Variants in UGT3A1 observed in about 807,000 individuals in gnomAD.
The protein encoded by UGT3A1 is UDP glycosyltransferase family 3 member A1, also known as UDP-glycosyltransferase 3A1.
Under a neutral mutation model 37.6 loss-of-function variants are expected in UGT3A1, and 40 were observed. The ratio of observed to expected loss-of-function variants is 1.06; its 90% CI spans 0.83 to 1.38. The LOEUF (loss-of-function observed/expected upper bound fraction) is 1.38. Ranked by LOEUF, UGT3A1 falls within the 40% of genes most tolerant of loss-of-function variation. The pLI is 0.00. For synonymous variants in UGT3A1, 256 were observed against 232.3 expected (o/e 1.10, Z -0.93); for missense variants, 642 against 634.2 (o/e 1.01, Z -0.13).
At chr5:35,984,348 G>C (rs1432869376) in intron 2 of UGT3A1, among the ~76,000 whole-genome samples, 1 of 151,958 alleles carries the variant, frequency 6.6e-6, no homozygotes, top group Admixed American at 6.6e-5. Flanking sequence ...TCTATCCCTA[G>C]TTATGTGATA....
chr5:35,960,456 G>T (rs1052917534), intron 4 of UGT3A1, among the ~76,000 whole-genome samples: 1 of 152,192 alleles, frequency 6.6e-6, no homozygotes, highest in African/African-American at 2.4e-5. Context: ...TGTGACAAGG[G>T]TGTGGCTTGT....
At chr5:35,994,480 C>A (rs1163643075), upstream of UGT3A1, among the ~76,000 whole-genome samples, 1 of 151,896 alleles carries the variant, frequency 6.6e-6, no homozygotes, top group Non-Finnish European at 1.5e-5. Context: ...CTCCTCTCAG[C>A]CTTTTGTGGC....
At chr5:35,979,315 A>G (rs1185638437) in intron 2 of UGT3A1, among the ~76,000 whole-genome samples, 2 of 152,160 alleles carry the variant, frequency 1.3e-5, no homozygotes, top group African/African-American at 2.4e-5. Flanking sequence ...TTGAACTTTT[A>G]TACTCTGCTT....
chr5:35,999,552 T>C (rs541376671), intron 1 of UGT3A1, among the ~76,000 whole-genome samples: 1 of 152,224 alleles, frequency 6.6e-6, no homozygotes, highest in Non-Finnish European at 1.5e-5. Flanking sequence ...AGTGTGGACC[T>C]AATAATAAAT....
intron 2 of UGT3A1, among the ~76,000 whole-genome samples, chr5:35,975,251 T>C (rs938766625): frequency 6.6e-6 from 1 of 152,180 alleles, no homozygotes; most frequent in African/African-American, 2.4e-5. Flanking sequence ...ACTCACCAAG[T>C]TGACCTGGAT....
At chr5:35,981,457 C>T (rs1341005791) in intron 2 of UGT3A1, among the ~76,000 whole-genome samples, 2 of 152,154 alleles carry the variant, frequency 1.3e-5, no homozygotes, top group Non-Finnish European at 2.9e-5. Flanking sequence ...AAAAAGGTCA[C>T]TCTTTCTATG....
intron 2 of UGT3A1, among the ~76,000 whole-genome samples, chr5:35,977,074 AAAAG>A (rs1193872020): frequency 2.1e-4 from 27 of 127,332 alleles, no homozygotes; most frequent in Admixed American, 3.3e-4. Flanking sequence ...AGAAAGAAAG[AAAAG>A]AAAGAAAGAA....
At chr5:35,970,995 A>G (rs889799245) in intron 2 of UGT3A1, among the ~76,000 whole-genome samples, 1 of 151,168 alleles carries the variant, frequency 6.6e-6, no homozygotes, top group Admixed American at 6.6e-5. Context: ...CATAGATTTG[A>G]CAAATATGTT....
intron 2 of UGT3A1, among the ~76,000 whole-genome samples, chr5:35,980,326 C>A (rs1051216754): frequency 6.6e-6 from 1 of 152,152 alleles, no homozygotes; most frequent in Non-Finnish European, 1.5e-5. Flanking sequence ...ACATTTATTA[C>A]TGACTGGATA....
chr5:35,978,018 G>T (rs1740363580), intron 2 of UGT3A1, among the ~76,000 whole-genome samples: 1 of 152,076 alleles, frequency 6.6e-6, no homozygotes, highest in South Asian at 2.1e-4. Flanking sequence ...ACATCAAATT[G>T]TACATATGTT....
upstream of UGT3A1, among the ~76,000 whole-genome samples, chr5:35,994,333 T>TTTGTGTGTGTG (rs1368444490): frequency 7.2e-6 from 1 of 138,554 alleles, no homozygotes; most frequent in East Asian, 2.2e-4. Context: ...TTTGTTTTGT[T>TTTGTGTGTGTG]TGTGTGTGTG....
chr5:35,952,746 C>T lies in UGT3A1; in HGVS notation c.*1456G>A, dbSNP rs1246303187. The T allele has an allele frequency of 6.6e-6, 1 of 152,160 alleles. No individual in the cohort carries two copies. Among genetic ancestry groups the T allele is most frequent in the Non-Finnish European group, 1.5e-5 (1 of 68,050 alleles). 9.4% of individuals were successfully genotyped at this position (152,160 alleles called of 1,614,324 possible). A position where few individuals can be genotyped will look rare whatever the true frequency, so the allele number is the denominator to read the frequency against. On this transcript the variant is annotated 3_prime_UTR_variant, in exon 7 of 7. Coordinates refer to ENST00000274278, the MANE Select transcript of UGT3A1 (RefSeq NM_152404.4). ...TCATGTGGTTTCATAAGAATTACAG[C>T]AATAAAACCTTGTATTATACGCACA... is the stretch of plus-strand genomic sequence containing the variant.
At chr5:35,981,507 G>A (rs541342616) in intron 2 of UGT3A1, among the ~76,000 whole-genome samples, 3 of 152,316 alleles carry the variant, frequency 2.0e-5, no homozygotes, top group Non-Finnish European at 4.4e-5. Context: ...CCTTGCTCTA[G>A]AGATCTGTGA....
At chr5:35,954,595 G>T in intron 6 of UGT3A1, 117 bp from the exon 7 acceptor site, 2 of 1,313,462 alleles carry the variant, frequency 1.5e-6, no homozygotes, top group Non-Finnish European at 2.1e-6. Flanking sequence ...ATGCACCAAG[G>T]CTGGGCTGCA....
chr5:36,000,056 C>G (rs1741184633), intron 1 of UGT3A1, among the ~76,000 whole-genome samples: 1 of 152,108 alleles, frequency 6.6e-6, no homozygotes. Context: ...TTGTGTCTAC[C>G]ATCCCTGGTC....
intron 2 of UGT3A1, among the ~76,000 whole-genome samples, chr5:35,977,102 A>G (rs111699556): frequency 4.3e-4 from 19 of 44,154 alleles, no homozygotes; most frequent in South Asian, 1.1e-3. Flanking sequence ...GAAAGAAAGA[A>G]AGAGAAAGAG....
In UGT3A1 at chr5:35,954,017, G is replaced by T; in HGVS notation, c.*185C>A. On this transcript the variant is annotated 3_prime_UTR_variant, in exon 7 of 7. Coordinates refer to ENST00000274278, the MANE Select transcript of UGT3A1 (RefSeq NM_152404.4). Reference sequence around the variant, plus strand: ...GAGCTGGGGTTTCAAGTCACAAGGGGCAAGTCAAGAAGCCTCAGTGGTGCG... The same window carrying T: ...GAGCTGGGGTTTCAAGTCACAAGGGTCAAGTCAAGAAGCCTCAGTGGTGCG... The T allele has an allele frequency of 1.6e-6, 1 of 640,454 alleles. No individual in the cohort carries two copies. 39.7% of individuals were successfully genotyped at this position (640,454 alleles called of 1,614,324 possible). A position where few individuals can be genotyped will look rare whatever the true frequency, so the allele number is the denominator to read the frequency against.
intron 4 of UGT3A1, among the ~76,000 whole-genome samples, chr5:35,957,715 T>C (rs1251633474): frequency 6.6e-6 from 1 of 152,244 alleles, no homozygotes; most frequent in Non-Finnish European, 1.5e-5. Flanking sequence ...TAGCTCATCC[T>C]ATTGGGATCA....
intron 4 of UGT3A1, 90 bp from the exon 5 acceptor site, chr5:35,957,509 C>T: frequency 9.5e-7 from 1 of 1,047,474 alleles, no homozygotes; most frequent in Non-Finnish European, 1.4e-6. Flanking sequence ...ACTAAACATA[C>T]CCTCCCATCA....
Sources: allele counts gnomAD v4.1 joint callset (sites outside exome capture counted in the v4.1 genomes callset), GRCh38; gene constraint gnomAD v4.1.1; transcripts MANE v1.5; gene names NCBI Gene and HGNC (gene_info 2026-07-23, HGNC 2026-07-21).